Variants in PRORP observed in about 807,000 individuals in gnomAD.
PRORP encodes protein only RNase P catalytic subunit.
Under a neutral mutation model 59.4 loss-of-function variants are expected in PRORP, and 51 were observed. That is an observed-to-expected ratio of 0.86 (90% confidence interval 0.69 to 1.08). PRORP has a LOEUF of 1.08. PRORP is among the 50% of genes least tolerant of loss of function. The probability of loss-of-function intolerance (pLI) is 0.00; values close to 1 mark genes in which losing one functional copy is unlikely to be tolerated. For synonymous variants in PRORP, 231 were observed against 245.6 expected (o/e 0.94, Z 0.55); for missense variants, 646 against 690.3 (o/e 0.94, Z 0.72).
intron 5 of PRORP, among the ~76,000 whole-genome samples, chr14:35,184,138 G>A (rs1195315503): frequency 6.7e-6 from 1 of 149,804 alleles, no homozygotes; most frequent in African/African-American, 2.5e-5. Flanking sequence ...TATATATCTA[G>A]TATTCTCTGT....
chr14:35,271,929 G>A (rs2051200807), intron 7 of PRORP, among the ~76,000 whole-genome samples: 1 of 152,084 alleles, frequency 6.6e-6, no homozygotes. Flanking sequence ...GGGAGGCTAA[G>A]GTACAAGAAT....
intron 4 of PRORP, among the ~76,000 whole-genome samples, chr14:35,165,815 G>C (rs997787045): frequency 1.3e-5 from 2 of 151,946 alleles, no homozygotes; most frequent in Non-Finnish European, 2.9e-5. Flanking sequence ...GAATAGTTGG[G>C]ATTACAGGCA....
chr14:35,167,446 G>A (rs938207810), intron 4 of PRORP, among the ~76,000 whole-genome samples: 20 of 152,142 alleles, frequency 1.3e-4, no homozygotes, highest in South Asian at 1.2e-3. Flanking sequence ...GATTACTATT[G>A]GTCATTTGGT....
At chr14:35,151,438 C>T (rs74933040) in intron 4 of PRORP, among the ~76,000 whole-genome samples, 2,300 of 152,168 alleles carry the variant, frequency 0.015, 49 homozygotes, top group African/African-American at 0.051. Context: ...ACCAAACTCC[C>T]GATCTTTATA....
At chr14:35,178,832 G>A (rs1282904345) in intron 4 of PRORP, among the ~76,000 whole-genome samples, 1 of 152,170 alleles carries the variant, frequency 6.6e-6, no homozygotes, top group Non-Finnish European at 1.5e-5. Context: ...TTTCTTCCTA[G>A]CATCGATGGT....
chr14:35,200,470 G>A (rs1313914545), intron 5 of PRORP, among the ~76,000 whole-genome samples: 1 of 152,128 alleles, frequency 6.6e-6, no homozygotes, highest in Admixed American at 6.5e-5. Context: ...GATTACAGGT[G>A]TGAGCCACCG....
intron 5 of PRORP, among the ~76,000 whole-genome samples, chr14:35,214,436 A>G (rs567564767): frequency 6.6e-5 from 10 of 152,358 alleles, no homozygotes; most frequent in East Asian, 3.9e-4. Flanking sequence ...AATGATTTAT[A>G]TGCTTATCTT....
intron 7 of PRORP, 101 bp downstream of exon 7, chr14:35,270,697 C>T: frequency 9.2e-7 from 1 of 1,081,380 alleles, no homozygotes. Flanking sequence ...GTTGCAAATG[C>T]TTTATTTTTC....
intron 5 of PRORP, among the ~76,000 whole-genome samples, chr14:35,224,201 G>C (rs1222226554): frequency 6.6e-6 from 1 of 152,078 alleles, no homozygotes; most frequent in Non-Finnish European, 1.5e-5. Context: ...TTCAAAAATA[G>C]AAAACTTTTT....
At chr14:35,244,118 G>C (rs1230483486) in intron 5 of PRORP, among the ~76,000 whole-genome samples, 2 of 152,150 alleles carry the variant, frequency 1.3e-5, no homozygotes, top group Non-Finnish European at 2.9e-5. Context: ...CACTTTCTGT[G>C]TCCCATTTCT....
At chr14:35,191,974 T>C (rs772928426) in intron 5 of PRORP, among the ~76,000 whole-genome samples, 12 of 152,118 alleles carry the variant, frequency 7.9e-5, no homozygotes, top group Non-Finnish European at 1.2e-4. Context: ...TAGTCACTTC[T>C]TTCCATTTCC....
intron 5 of PRORP, among the ~76,000 whole-genome samples, chr14:35,192,990 A>G (rs950321409): frequency 3.3e-5 from 5 of 151,836 alleles, no homozygotes; most frequent in African/African-American, 9.7e-5. Context: ...AGAAAAAAAA[A>G]AAAAAGAAAA....
chr14:35,129,067 G>T (rs1008642803), intron 4 of PRORP, among the ~76,000 whole-genome samples: 6 of 151,882 alleles, frequency 4.0e-5, no homozygotes, highest in Non-Finnish European at 5.9e-5. Context: ...AATTAGCTGG[G>T]CATGGCGGCG....
intron 4 of PRORP, among the ~76,000 whole-genome samples, chr14:35,132,926 TG>T (rs2047285144): frequency 6.6e-6 from 1 of 152,076 alleles, no homozygotes; most frequent in African/African-American, 2.4e-5. Flanking sequence ...TGTTTTGTTT[TG>T]TTTTGTTTTT....
chr14:35,247,638 T>C (rs2050516344), intron 5 of PRORP, among the ~76,000 whole-genome samples: 1 of 152,186 alleles, frequency 6.6e-6, no homozygotes, highest in Non-Finnish European at 1.5e-5. Flanking sequence ...TCCTTATATA[T>C]GGACTGGACC....
In PRORP at chr14:35,123,200, T is replaced by C; in HGVS notation, c.-46T>C. The C allele has an allele frequency of 6.5e-7, 1 of 1,550,328 alleles. No homozygotes were observed. The highest frequency in any genetic ancestry group is 8.7e-7 in the Non-Finnish European group (1 of 1,152,898). ...CTTTAATTTTGCCATAGAAGAGGGG[T>C]TTTTTCAACATCTCTCTCACTATCT... On this transcript the variant is annotated 5_prime_UTR_variant, in exon 2 of 8. Transcript: ENST00000534898.
chr14:35,218,682 C>T (rs149479031), intron 5 of PRORP, among the ~76,000 whole-genome samples: 1,534 of 151,938 alleles, frequency 0.01, 28 homozygotes, highest in African/African-American at 0.035. Flanking sequence ...GCCACCACCA[C>T]GCCTAGCCAA....
intron 5 of PRORP, among the ~76,000 whole-genome samples, chr14:35,193,397 C>T (rs2048932234): frequency 6.6e-6 from 1 of 152,142 alleles, no homozygotes; most frequent in Admixed American, 6.5e-5. Context: ...GTTTTGATTG[C>T]CATCTGTTAG....
chr14:35,251,906 A>T (rs1161451114), intron 5 of PRORP, among the ~76,000 whole-genome samples: 1 of 152,108 alleles, frequency 6.6e-6, no homozygotes, highest in African/African-American at 2.4e-5. Flanking sequence ...CACTGTAAGG[A>T]TAGTGGAGGG....
Sources: gnomAD v4.1 joint callset for allele counts (sites outside exome capture counted in the v4.1 genomes callset) on GRCh38, gnomAD v4.1.1 for gene constraint, MANE v1.5 for transcripts, NCBI Gene and HGNC (gene_info 2026-07-23, HGNC 2026-07-21) for gene names.